The following IPCEF1 variants were observed in gnomAD, a reference collection of about 807,000 sequenced individuals.
IPCEF1 encodes the protein interaction protein for cytohesin exchange factors 1.
A neutral mutation model predicts 50.9 loss-of-function variants in IPCEF1; 31 were observed. The observed-to-expected ratio is 0.61, with a 90% CI of 0.46 to 0.82. The LOEUF (loss-of-function observed/expected upper bound fraction) is 0.82. Ranked by LOEUF, IPCEF1 falls within the 40% of genes least tolerant of loss-of-function variation. IPCEF1 has a pLI of 0.00. For synonymous variants in IPCEF1, 181 were observed against 192.0 expected (o/e 0.94, Z 0.47); for missense variants, 458 against 514.0 (o/e 0.89, Z 1.05).
chr6:154,255,542 G>C (rs1294963999), intron 3 of IPCEF1, among the ~76,000 whole-genome samples: 1 of 152,148 alleles, frequency 6.6e-6, no homozygotes, highest in Non-Finnish European at 1.5e-5. Flanking sequence ...AATCCTCTGA[G>C]TGAAGCTTTA....
intron 11 of IPCEF1, among the ~76,000 whole-genome samples, chr6:154,163,279 A>G (rs1361938684): frequency 1.3e-5 from 2 of 152,104 alleles, no homozygotes; most frequent in Non-Finnish European, 2.9e-5. Context: ...TCTTCCTTAA[A>G]TGCCCTAGGC....
chr6:154,195,034 G>A (rs978401936), intron 10 of IPCEF1, among the ~76,000 whole-genome samples: 6 of 151,612 alleles, frequency 4.0e-5, no homozygotes, highest in African/African-American at 7.3e-5. Context: ...CTTCCTTCCC[G>A]TCTCCACTGC....
chr6:154,182,380 GTTA>G (rs1239312970), intron 10 of IPCEF1, among the ~76,000 whole-genome samples: 1 of 152,098 alleles, frequency 6.6e-6, no homozygotes, highest in African/African-American at 2.4e-5. Context: ...TTTTGCTGTT[GTTA>G]TTATTGAGTC....
intron 1 of IPCEF1, among the ~76,000 whole-genome samples, chr6:154,327,875 G>A (rs1011373661): frequency 6.6e-6 from 1 of 152,192 alleles, no homozygotes; most frequent in South Asian, 2.1e-4. Flanking sequence ...ATACACCATG[G>A]AATACTAGGC....
At chr6:154,347,104 C>A (rs544510345) in intron 1 of IPCEF1, among the ~76,000 whole-genome samples, 3 of 152,314 alleles carry the variant, frequency 2.0e-5, no homozygotes, top group Admixed American at 2.0e-4. Flanking sequence ...ATTATTCACC[C>A]AAACAGGCTT....
Position 154,343,481 on chromosome 6 carries a change from C to T in IPCEF1, c.-62+13191G>A, listed in dbSNP as rs1562296772. Among the ~76,000 whole-genome samples the T allele has an allele frequency of 2.0e-5, 3 of 152,162 alleles. No homozygotes were observed. In the South Asian group the frequency reaches 6.2e-4, roughly 31 times the overall value. ...AGTGTATGAAAACTCTCCCTATCATCAAACTTCCAAAATGCTCCACTTCCC... is the reference window on the plus strand; with the variant it reads ...AGTGTATGAAAACTCTCCCTATCATTAAACTTCCAAAATGCTCCACTTCCC... On this transcript the variant is annotated intron_variant, in intron 1 of 11. Transcript: ENST00000367220.
chr6:154,298,300 A>G (rs1200297146), intron 1 of IPCEF1, among the ~76,000 whole-genome samples: 1 of 152,216 alleles, frequency 6.6e-6, no homozygotes, highest in Non-Finnish European at 1.5e-5. Context: ...AGAACACGTC[A>G]CAAAATATCT....
At chr6:154,214,910 A>G (rs965219541) in intron 7 of IPCEF1, among the ~76,000 whole-genome samples, 1 of 152,242 alleles carries the variant, frequency 6.6e-6, no homozygotes, top group Non-Finnish European at 1.5e-5. Flanking sequence ...CAGAAACTCA[A>G]ACTTGGCTTA....
At chr6:154,212,607 A>G (rs1215638769) in intron 9 of IPCEF1, among the ~76,000 whole-genome samples, 163 bp downstream of exon 9, 29 of 152,244 alleles carry the variant, frequency 1.9e-4, no homozygotes, top group Non-Finnish European at 1.5e-5. Flanking sequence ...GCTATGGAGA[A>G]GGCTCAAAAT....
chr6:154,311,937 CT>C (rs1360780103), intron 1 of IPCEF1, among the ~76,000 whole-genome samples: 1 of 152,144 alleles, frequency 6.6e-6, no homozygotes, highest in African/African-American at 2.4e-5. Flanking sequence ...CCAGCAATCT[CT>C]TTATCTTTTG....
At chr6:154,174,008 G>A (rs955913494) in intron 10 of IPCEF1, among the ~76,000 whole-genome samples, 8 of 152,098 alleles carry the variant, frequency 5.3e-5, no homozygotes, top group African/African-American at 1.9e-4. Context: ...AGAGAGTGGG[G>A]GCCAATATTC....
intron 10 of IPCEF1, among the ~76,000 whole-genome samples, chr6:154,173,175 C>A (rs1470924816): frequency 1.3e-5 from 2 of 152,160 alleles, no homozygotes; most frequent in Non-Finnish European, 2.9e-5. Context: ...TCACCAACAC[C>A]TAAGACCAAA....
chr6:154,173,910 G>C (rs1339187668), intron 10 of IPCEF1, among the ~76,000 whole-genome samples: 2 of 152,116 alleles, frequency 1.3e-5, no homozygotes, highest in Non-Finnish European at 2.9e-5. Flanking sequence ...AAATGTTAAG[G>C]GCAGTCAGAG....
chr6:154,313,374 CA>C (rs59870958), intron 1 of IPCEF1, among the ~76,000 whole-genome samples: 49 of 127,916 alleles, frequency 3.8e-4, no homozygotes, highest in Admixed American at 3.2e-4. Flanking sequence ...GATTCTGTCT[CA>C]AAAAAAAAAA....
chr6:154,233,115 T>A (rs9384193), intron 5 of IPCEF1, among the ~76,000 whole-genome samples: 1 of 151,750 alleles, frequency 6.6e-6, no homozygotes, highest in Non-Finnish European at 1.5e-5. Flanking sequence ...GTTACAGGCA[T>A]GTGCCGCCAC....
At chr6:154,240,195 T>C (rs1217953253) in intron 5 of IPCEF1, among the ~76,000 whole-genome samples, 1 of 152,230 alleles carries the variant, frequency 6.6e-6, no homozygotes, top group East Asian at 1.9e-4. Flanking sequence ...TAATTGATAA[T>C]TAAGTAATGT....
intron 1 of IPCEF1, among the ~76,000 whole-genome samples, chr6:154,333,904 G>A (rs1157750699): frequency 2.6e-5 from 4 of 151,914 alleles, no homozygotes; most frequent in Non-Finnish European, 5.9e-5. Flanking sequence ...ACATGCAAGG[G>A]CTTAACAGAA....
In IPCEF1 at chr6:154,214,411, T is replaced by C. The variant is rs898794274; in HGVS notation, c.393-135A>G. 6 of 721,956 alleles carry C rather than the reference T, an allele frequency of 8.3e-6. No homozygotes were observed. The Admixed American group carries it at 1.3e-4, about 15-fold the overall frequency. The allele number at this position is 721,956 out of a possible 1,614,324, so 44.7% of individuals were successfully genotyped here. A position where few individuals can be genotyped will look rare whatever the true frequency, so the allele number is the denominator to read the frequency against. On this transcript the variant is annotated intron_variant, in intron 7 of 11. Transcript: ENST00000367220. ...CACATTTCCAGAAAGAGCATAAGTT[T>C]GTGCCATCGAAACCTAAGGCCTCTG...
chr6:154,334,646 T>C (rs1783751135), intron 1 of IPCEF1, among the ~76,000 whole-genome samples: 1 of 152,220 alleles, frequency 6.6e-6, no homozygotes, highest in African/African-American at 2.4e-5. Flanking sequence ...GGCAACAGAA[T>C]GCTCTAGAGT....
Sources: allele counts gnomAD v4.1 joint callset (sites outside exome capture counted in the v4.1 genomes callset), GRCh38; gene constraint gnomAD v4.1.1; transcripts MANE v1.5; gene names NCBI Gene and HGNC (gene_info 2026-07-23, HGNC 2026-07-21).